The following CCDC88A variants were observed in gnomAD, a reference collection of about 807,000 sequenced individuals.
CCDC88A encodes girdin.
In CCDC88A, 54 loss-of-function variants were observed where a neutral mutation model predicts 234.3. The observed-to-expected ratio is 0.23, with a 90% CI of 0.19 to 0.29. The LOEUF (loss-of-function observed/expected upper bound fraction) is 0.29. Among genes scored for constraint, CCDC88A ranks in the 10% least tolerant of loss-of-function variants. CCDC88A has a pLI of 1.00. For synonymous variants in CCDC88A, 753 were observed against 737.8 expected (o/e 1.02, Z -0.33); for missense variants, 1,832 against 2,123.4 (o/e 0.86, Z 2.70).
At chr2:55,410,287 GC>G (rs1574513207) in intron 2 of CCDC88A, among the ~76,000 whole-genome samples, 1 of 152,288 alleles carries the variant, frequency 6.6e-6, no homozygotes, top group East Asian at 1.9e-4. Flanking sequence ...TCTTTGTGGT[GC>G]TAGAAAGAGC....
At chr2:55,361,491 TAG>T (rs1574282188) in intron 7 of CCDC88A, among the ~76,000 whole-genome samples, 2 of 152,318 alleles carry the variant, frequency 1.3e-5, no homozygotes, top group East Asian at 3.9e-4. Context: ...GACTAACCCC[TAG>T]AGAGACAAGA....
rs548540317 is a variant in CCDC88A, at chr2:55,346,869, C to T, written c.883-536G>A. ...TATGTTACTAAAATTTTTTTAAAAC[C>T]TTTTTAAAAAAATCGAAGTATTTTA... On this transcript the variant is annotated intron_variant, in intron 9 of 32. Coordinates refer to ENST00000436346, the MANE Select transcript of CCDC88A (RefSeq NM_001365480.1). Among the ~76,000 whole-genome samples the T allele has an allele frequency of 3.0e-3, 448 of 151,554 alleles. 3 individuals are homozygous for T. The highest frequency in any genetic ancestry group is 9.1e-3 in the African/African-American group (377 of 41,286).
chr2:55,293,040 A>G (rs754253267), intron 31 of CCDC88A: 1 of 151,996 alleles, frequency 6.6e-6, no homozygotes, highest in African/African-American at 2.4e-5. Context: ...TGCTGCATAT[A>G]AACATATAGC....
chr2:55,338,925 T>C (rs1668120729), intron 13 of CCDC88A: 1 of 152,092 alleles, frequency 6.6e-6, no homozygotes, highest in African/African-American at 2.4e-5. Context: ...ATTTGGAAAC[T>C]GGTAAATGTA....
In CCDC88A at chr2:55,322,597, C is replaced by G. The variant is rs770542466; in HGVS notation, c.3093G>C (p.Glu1031Asp). 3.1e-6 allele frequency: 5 copies of G among 1,608,944 alleles called. No homozygotes were observed. The highest frequency in any genetic ancestry group is 3.4e-6 in the Non-Finnish European group (4 of 1,175,934). Residue 1031 changes from glutamate (E) to aspartate (D), a missense_variant, in exon 18 of 33, where the codon GAG becomes GAC. By Grantham distance (45) the Glu-to-Asp change is conservative. Transcript: ENST00000436346. ...PPISGEDNKW[E>D]RESQETTREL... ...CTCTAGTCGTTTCTTGACTTTCTCG[C>G]TCCCATTTGTTGTCTTCACCAGATA...
At position 55,308,961 on chromosome 2, in the gene CCDC88A, C is replaced by T. The variant is rs1681984239; in HGVS notation, c.4235G>A (p.Arg1412Gln). ...TAATGTTAGAGATTTCTGGCGTTCCCGATTAATATCTTTCTTAGACTTTAT... is the reference window on the plus strand; with the variant it reads ...TAATGTTAGAGATTTCTGGCGTTCCTGATTAATATCTTTCTTAGACTTTAT... ...KLIKSKKDIN[R>Q]ERQKSLTLTP... is the part of the protein sequence containing the mutation. The change falls in exon 25 of 33, where the codon CGG (arginine) becomes CAG (glutamine). Residue 1412 changes from arginine (R) to glutamine (Q), a missense_variant. Physicochemically the swap from Arg to Gln is conservative, Grantham distance 43. Transcript: ENST00000436346. 3 of 1,613,968 alleles carry T rather than the reference C, an allele frequency of 1.9e-6. No homozygotes were observed. Among genetic ancestry groups the T allele is most frequent in the Non-Finnish European group, 2.5e-6 (3 of 1,179,924 alleles).
chr2:55,304,822 G>A (rs914123593), intron 25 of CCDC88A, among the ~76,000 whole-genome samples: 2 of 152,092 alleles, frequency 1.3e-5, no homozygotes, highest in African/African-American at 4.8e-5. Flanking sequence ...TAGGAATTAG[G>A]AAAAACAATT....
At chr2:55,298,434 T>A (rs1009897906) in intron 29 of CCDC88A, among the ~76,000 whole-genome samples, 1 of 151,800 alleles carries the variant, frequency 6.6e-6, no homozygotes, top group Non-Finnish European at 1.5e-5. Flanking sequence ...ATGATAAAAA[T>A]TAAAAAAAGA....
chr2:55,368,157 G>C (rs922058039), intron 5 of CCDC88A, among the ~76,000 whole-genome samples: 1 of 152,124 alleles, frequency 6.6e-6, no homozygotes, highest in Admixed American at 6.5e-5. Flanking sequence ...CAGAAGACTT[G>C]GGTTGCCCAT....
chr2:55,366,158 A>G (rs1428018221), intron 5 of CCDC88A, among the ~76,000 whole-genome samples: 1 of 152,186 alleles, frequency 6.6e-6, no homozygotes, highest in Non-Finnish European at 1.5e-5. Flanking sequence ...CATGGGCACT[A>G]AAATTAATTT....
Position 55,287,986 on chromosome 2 carries a change from A to G in CCDC88A, c.*3214T>C, listed in dbSNP as rs1183069784. 6.6e-6 allele frequency: 1 copy of G among 152,634 alleles called. No homozygotes were observed. Among genetic ancestry groups the G allele is most frequent in the Non-Finnish European group, 1.5e-5 (1 of 68,012 alleles). The allele number at this position is 152,634 out of a possible 1,614,324, so 9.5% of individuals were successfully genotyped here. Reference sequence around the variant, plus strand: ...AGTGGTATCTCTTGTCATGAGTTGGATGCCTGTGACTGACATCAGGTATTG... The same window carrying G: ...AGTGGTATCTCTTGTCATGAGTTGGGTGCCTGTGACTGACATCAGGTATTG... On this transcript the variant is annotated 3_prime_UTR_variant, in exon 33 of 33. Coordinates refer to ENST00000436346, the MANE Select transcript of CCDC88A (RefSeq NM_001365480.1).
At chr2:55,405,103 T>G (rs903736609) in intron 2 of CCDC88A, 3 of 152,254 alleles carry the variant, frequency 2.0e-5, no homozygotes, top group Non-Finnish European at 4.4e-5. Context: ...ATTCCTCAAC[T>G]TGGTTCCTCC....
In CCDC88A at chr2:55,343,638, T is replaced by A; in HGVS notation, c.1333+10A>T. 6.3e-7 allele frequency: 1 copy of A among 1,581,216 alleles called. No homozygotes were observed. Among genetic ancestry groups the A allele is most frequent in the Non-Finnish European group, 8.6e-7 (1 of 1,167,508 alleles). Reference sequence around the variant, plus strand: ...CGATTATCTATTTAAATTAAAAAAATTGGGAATACCTTCGGAAAGTTCACT... The same window carrying A: ...CGATTATCTATTTAAATTAAAAAAAATGGGAATACCTTCGGAAAGTTCACT... On this transcript the variant is annotated intron_variant, in intron 12 of 32. Coordinates refer to ENST00000436346, the MANE Select transcript of CCDC88A (RefSeq NM_001365480.1).
Position 55,334,380 on chromosome 2 carries a change from T to C in CCDC88A, c.2441A>G (p.Glu814Gly). 1 of 1,568,450 alleles carries C rather than the reference T, an allele frequency of 6.4e-7. No individual in the cohort carries two copies. The highest frequency in any genetic ancestry group is 1.4e-5 in the African/African-American group (1 of 72,396). ...TTGCTCTAATGATTTATTTTCTTTT[T>C]CCAGCTGTTCTAGTCTTTTGCTAGA... is the stretch of plus-strand genomic sequence containing the variant. ...KISSKRLEQL[E>G]KENKSLEQET... The change falls in exon 15 of 33, where the codon GAA becomes GGA. Residue 814 changes from glutamate to glycine, a missense_variant. Coordinates refer to ENST00000436346, the MANE Select transcript of CCDC88A (RefSeq NM_001365480.1). The surrounding 1 kb of genome is among the most constrained non-coding windows in gnomAD (Gnocchi z 6.1).
At chr2:55,417,014 G>A (rs1681606010) in intron 2 of CCDC88A, 4 of 151,544 alleles carry the variant, frequency 2.6e-5, no homozygotes. Context: ...AAATACAGAA[G>A]CAGATTTGTG....
chr2:55,348,113 C>A (rs576800831), intron 9 of CCDC88A, among the ~76,000 whole-genome samples: 65 of 152,068 alleles, frequency 4.3e-4, no homozygotes, highest in African/African-American at 1.6e-3. Flanking sequence ...AGGCGAGTGC[C>A]CCATTACGTG....
rs960845205 is a variant in CCDC88A at position 55,419,500 on chromosome 2, C to A, written c.-421G>T. ...TAAATGAAATACGTTAAACAGAGAC[C>A]ACGTTAAGGATACCGAGGCGCCACC... On this transcript the variant is annotated 5_prime_UTR_variant, in exon 1 of 33. Transcript: ENST00000436346. 7 of 169,322 alleles carry A rather than the reference C, an allele frequency of 4.1e-5. No individual in the cohort carries two copies. Among genetic ancestry groups the A allele is most frequent in the South Asian group, 1.4e-4 (1 of 7,098 alleles). The allele number at this position is 169,322 out of a possible 1,614,324, so 10.5% of individuals were successfully genotyped here.
At chr2:55,359,856 C>CAACAAA (rs60891079) in intron 7 of CCDC88A, among the ~76,000 whole-genome samples, 1 of 151,106 alleles carries the variant, frequency 6.6e-6, no homozygotes, top group Non-Finnish European at 1.5e-5. Context: ...TCAATGCTAA[C>CAACAAA]AACAAAAACA....
At chr2:55,347,254 C>T (rs1014113197) in intron 9 of CCDC88A, among the ~76,000 whole-genome samples, 1 of 151,950 alleles carries the variant, frequency 6.6e-6, no homozygotes, top group Admixed American at 6.6e-5. Flanking sequence ...TATTGTAATC[C>T]TTTAGGATAG....
Sources: allele counts gnomAD v4.1 joint callset (sites outside exome capture counted in the v4.1 genomes callset), GRCh38; gene constraint gnomAD v4.1.1; non-coding constraint Gnocchi (gnomAD v3.1); transcripts MANE v1.5; gene names NCBI Gene and HGNC (gene_info 2026-07-23, HGNC 2026-07-21).